BRINP2: variants seen among roughly 807,000 people sequenced by gnomAD.
BRINP2 encodes the protein BMP/retinoic acid inducible neural specific 2, also known as BMP/retinoic acid-inducible neural-specific protein 2.
In BRINP2, 21 loss-of-function variants were observed where a neutral mutation model predicts 69.2. The observed-to-expected ratio is 0.30, with a 90% CI of 0.22 to 0.44. BRINP2 has a LOEUF of 0.44. BRINP2 is among the 20% of genes least tolerant of loss of function. The pLI is 1.00. For missense variants in BRINP2, 877 were observed against 986.0 expected (o/e 0.89, Z 1.48); for synonymous variants, 380 against 394.1 (o/e 0.96, Z 0.42).
chr1:177,206,309 T>C (rs1405574581), intron 1 of BRINP2, among the ~76,000 whole-genome samples: 1 of 152,228 alleles, frequency 6.6e-6, no homozygotes, highest in African/African-American at 2.4e-5. Context: ...TAGTAAATAT[T>C]TATTATCATT....
intron 1 of BRINP2, among the ~76,000 whole-genome samples, chr1:177,183,470 A>G (rs1441189390): frequency 1.3e-5 from 2 of 152,180 alleles, no homozygotes; most frequent in Non-Finnish European, 2.9e-5. Context: ...AGTTGCTTAA[A>G]TTCTTATTTG....
chr1:177,274,243 G>C (rs932560375), intron 5 of BRINP2, among the ~76,000 whole-genome samples: 1 of 152,224 alleles, frequency 6.6e-6, no homozygotes, highest in Admixed American at 6.5e-5. Context: ...GGGCTAAGGG[G>C]AGACGTGCAT....
chr1:177,257,001 G>A (rs1281414383), intron 3 of BRINP2, 175 bp from the exon 4 acceptor site: 1 of 1,516,812 alleles, frequency 6.6e-7, no homozygotes, highest in East Asian at 2.5e-5. Context: ...CCGCTGGCCT[G>A]TGGCTCCCTC....
chr1:177,225,851 T>C (rs1649676013), intron 1 of BRINP2, among the ~76,000 whole-genome samples: 1 of 152,238 alleles, frequency 6.6e-6, no homozygotes, highest in African/African-American at 2.4e-5. Flanking sequence ...CTTCAGATAC[T>C]GAGAAAAATC....
At chr1:177,185,385 A>G (rs1207539424) in intron 1 of BRINP2, among the ~76,000 whole-genome samples, 2 of 152,178 alleles carry the variant, frequency 1.3e-5, no homozygotes, top group Non-Finnish European at 2.9e-5. Context: ...TAAATTTTCT[A>G]TGGAAAGTAC....
At chr1:177,230,594 G>A (rs980247251) in intron 2 of BRINP2, among the ~76,000 whole-genome samples, 3 of 152,202 alleles carry the variant, frequency 2.0e-5, no homozygotes, top group African/African-American at 7.2e-5. Context: ...AGAGGTCTGG[G>A]GAGCCCTGAA....
At chr1:177,173,647 C>G (rs2056936) in intron 1 of BRINP2, among the ~76,000 whole-genome samples, 23,749 of 152,146 alleles carry the variant, frequency 0.16, 3,768 homozygotes, top group African/African-American at 0.41. Context: ...TTATCTTCTA[C>G]GTGCTCCTTT....
intron 1 of BRINP2, among the ~76,000 whole-genome samples, chr1:177,205,360 C>T (rs180836180): frequency 1.8e-3 from 270 of 152,272 alleles, no homozygotes; most frequent in Middle Eastern, 0.014. Context: ...AGGCTGGTTT[C>T]GAACTCCTGA....
intron 3 of BRINP2, chr1:177,256,974 C>A: frequency 6.8e-7 from 1 of 1,467,822 alleles, no homozygotes; most frequent in Non-Finnish European, 9.0e-7. Flanking sequence ...TGGAAGAGGG[C>A]CTTTCAGGCA....
intron 1 of BRINP2, among the ~76,000 whole-genome samples, chr1:177,191,758 C>T (rs1648603320): frequency 6.6e-6 from 1 of 152,154 alleles, no homozygotes; most frequent in Admixed American, 6.6e-5. Context: ...CCAGCTCTGG[C>T]AGTCCCTTTC....
chr1:177,272,618 G>A (rs981616931), intron 4 of BRINP2, among the ~76,000 whole-genome samples: 1 of 152,206 alleles, frequency 6.6e-6, no homozygotes, highest in African/African-American at 2.4e-5. Context: ...GGACGTCAGA[G>A]GTATCAGAGT....
chr1:177,244,080 G>A (rs1453029206), intron 2 of BRINP2, among the ~76,000 whole-genome samples: 2 of 152,180 alleles, frequency 1.3e-5, no homozygotes, highest in Admixed American at 6.5e-5. Flanking sequence ...TGCAAAAAGA[G>A]GGCGAAATGT....
chr1:177,198,404 A>G (rs1648807739), intron 1 of BRINP2, among the ~76,000 whole-genome samples: 1 of 152,138 alleles, frequency 6.6e-6, no homozygotes, highest in South Asian at 2.1e-4. Flanking sequence ...TGCCTATTTA[A>G]TTTTTCAGCA....
chr1:177,230,006 G>C lies in BRINP2; in HGVS notation c.130G>C (p.Glu44Gln), dbSNP rs752251952. Residue 44 changes from glutamate (E) to glutamine (Q), a missense_variant, in exon 2 of 8, where the codon GAG becomes CAG. Around this residue, in one of 3 missense-constraint regions of BRINP2, gnomAD observed 566 missense variants for 625.2 expected, o/e 0.91. Transcript: ENST00000361539. The stretch of plus-strand genomic sequence containing the variant: ...AGCCACGGCGGCTGCTGTGGTCCCC[G>C]AGCAGCATGCCTCCGTAGCTGGCCA... ...VSATAAAVVP[E>Q]QHASVAGQHP... The C allele has an allele frequency of 5.0e-6, 8 of 1,613,454 alleles. No individual in the cohort carries two copies. In the East Asian group the frequency reaches 1.8e-4, roughly 36 times the overall value.
intron 4 of BRINP2, among the ~76,000 whole-genome samples, chr1:177,266,708 C>T (rs776443184): frequency 1.2e-4 from 17 of 138,972 alleles, no homozygotes; most frequent in Admixed American, 4.7e-4. Context: ...TGCAGTGAGT[C>T]GAGATCACGC....
chr1:177,239,345 G>A (rs1405965716), intron 2 of BRINP2, among the ~76,000 whole-genome samples: 1 of 152,350 alleles, frequency 6.6e-6, no homozygotes, highest in African/African-American at 2.4e-5. Flanking sequence ...GTATGTGTTG[G>A]TTGTGCACTG....
chr1:177,180,631 A>G (rs1467408557), intron 1 of BRINP2, among the ~76,000 whole-genome samples: 4 of 152,148 alleles, frequency 2.6e-5, no homozygotes, highest in African/African-American at 9.7e-5. Context: ...TATAAAGCAG[A>G]TAAAAGGGGA....
At chr1:177,194,116 G>C (rs1433484226) in intron 1 of BRINP2, among the ~76,000 whole-genome samples, 3 of 152,146 alleles carry the variant, frequency 2.0e-5, no homozygotes, top group Non-Finnish European at 4.4e-5. Context: ...ATGTTTGGCT[G>C]TATTTATTAT....
At chr1:177,263,462 C>T (rs1388941135) in intron 4 of BRINP2, among the ~76,000 whole-genome samples, 1 of 152,174 alleles carries the variant, frequency 6.6e-6, no homozygotes, top group African/African-American at 2.4e-5. Context: ...AAGGGAGCGC[C>T]TTCCTTACTT....
Sources: gnomAD v4.1 joint callset for allele counts (sites outside exome capture counted in the v4.1 genomes callset) on GRCh38, gnomAD v4.1.1 for gene constraint, gnomAD v4.1.1 regional missense constraint, MANE v1.5 for transcripts, NCBI Gene and HGNC (gene_info 2026-07-23, HGNC 2026-07-21) for gene names.